The following DLGAP2 variants were observed in gnomAD, a reference collection of about 807,000 sequenced individuals.
The protein encoded by DLGAP2 is disks large-associated protein 2.
In DLGAP2, 26 loss-of-function variants were observed where a neutral mutation model predicts 100.3. The ratio of observed to expected loss-of-function variants is 0.26; its 90% CI spans 0.19 to 0.36. The LOEUF is 0.36. DLGAP2 is among the 10% of genes least tolerant of loss of function. The pLI, the probability that DLGAP2 is intolerant of heterozygous loss-of-function variation, is 1.00. For missense variants in DLGAP2, 1,858 were observed against 1,453.2 expected (o/e 1.28, Z -4.53); for synonymous variants, 886 against 630.1 (o/e 1.41, Z -6.08).
intron 2 of DLGAP2, among the ~76,000 whole-genome samples, chr8:1,156,795 C>T (rs931997907): frequency 6.6e-6 from 1 of 152,150 alleles, no homozygotes; most frequent in South Asian, 2.1e-4. Flanking sequence ...CTCCTTTTTG[C>T]TTTGTTCCCA....
At chr8:988,603 A>G (rs1017728480) in intron 2 of DLGAP2, among the ~76,000 whole-genome samples, 4 of 151,994 alleles carry the variant, frequency 2.6e-5, no homozygotes, top group Non-Finnish European at 4.4e-5. Flanking sequence ...CCTCCCTTCC[A>G]GGGTCTGATG....
chr8:1,081,952 G>T (rs1479263466), intron 2 of DLGAP2, among the ~76,000 whole-genome samples: 1 of 152,118 alleles, frequency 6.6e-6, no homozygotes, highest in African/African-American at 2.4e-5. Flanking sequence ...TGCCCCCTAA[G>T]TTCTAGATTA....
At chr8:1,447,859 C>A (rs1243232925) in intron 3 of DLGAP2, among the ~76,000 whole-genome samples, 1 of 152,190 alleles carries the variant, frequency 6.6e-6, no homozygotes, top group African/African-American at 2.4e-5. Context: ...TCTAGATTTT[C>A]TAGTTTATAT....
intron 1 of DLGAP2, among the ~76,000 whole-genome samples, chr8:802,006 G>A (rs1296633239): frequency 1.9e-4 from 28 of 145,364 alleles, no homozygotes; most frequent in Middle Eastern, 3.7e-3. Flanking sequence ...CACAGCCTGA[G>A]GAACAGTCCG....
chr8:1,052,417 A>G (rs1252213137), intron 2 of DLGAP2, among the ~76,000 whole-genome samples: 2 of 152,232 alleles, frequency 1.3e-5, no homozygotes, highest in East Asian at 3.9e-4. Context: ...GTTTTAACAC[A>G]TGGCATCACA....
chr8:1,009,491 A>G (rs1171460979), intron 2 of DLGAP2, among the ~76,000 whole-genome samples: 1 of 152,184 alleles, frequency 6.6e-6, no homozygotes, highest in Admixed American at 6.5e-5. Flanking sequence ...ATTTTCTTTG[A>G]CTGAATGATG....
At chr8:1,505,011 A>T (rs1799857064) in intron 4 of DLGAP2, among the ~76,000 whole-genome samples, 1 of 152,212 alleles carries the variant, frequency 6.6e-6, no homozygotes, top group South Asian at 2.1e-4. Context: ...AAAAGAAAGG[A>T]AGGAAGAAGG....
intron 3 of DLGAP2, among the ~76,000 whole-genome samples, chr8:1,314,723 G>T (rs1335446087): frequency 6.6e-6 from 1 of 152,210 alleles, no homozygotes; most frequent in African/African-American, 2.4e-5. Flanking sequence ...TCCTGCTCCG[G>T]AGGTCGAGGA....
intron 4 of DLGAP2, among the ~76,000 whole-genome samples, chr8:1,536,669 G>T (rs1801163304): frequency 6.6e-6 from 1 of 152,172 alleles, no homozygotes; most frequent in Admixed American, 6.5e-5. Flanking sequence ...CTGTCCTCAG[G>T]TGCAGTCAGC....
At chr8:880,242 T>A (rs1797761926) in intron 1 of DLGAP2, among the ~76,000 whole-genome samples, 1 of 152,172 alleles carries the variant, frequency 6.6e-6, no homozygotes, top group Non-Finnish European at 1.5e-5. Context: ...GACCACATCC[T>A]CCTAATCAAT....
chr8:1,344,114 T>TTCGGCGCCCTGTCGTGGGTCCGTGTAC (rs1801487310), intron 3 of DLGAP2, among the ~76,000 whole-genome samples: 1 of 36,892 alleles, frequency 2.7e-5, no homozygotes, highest in African/African-American at 5.4e-5. Context: ...GGTCCATGTA[T>TTCGGCGCCCTGTCGTGGGTCCGTGTAC]TCGGGGCCCT....
intron 1 of DLGAP2, among the ~76,000 whole-genome samples, chr8:787,243 G>A (rs965115008): frequency 2.0e-5 from 3 of 152,058 alleles, no homozygotes; most frequent in African/African-American, 4.8e-5. Context: ...GCTCGTGTTC[G>A]AACGTTAGTA....
intron 1 of DLGAP2, among the ~76,000 whole-genome samples, chr8:801,586 T>C (rs1368700875): frequency 6.6e-6 from 1 of 152,168 alleles, no homozygotes; most frequent in Non-Finnish European, 1.5e-5. Flanking sequence ...TGAGTAGCTG[T>C]GTGGCCAGTG....
intron 2 of DLGAP2, among the ~76,000 whole-genome samples, chr8:1,152,646 G>T (rs920068051): frequency 6.6e-6 from 1 of 152,150 alleles, no homozygotes; most frequent in Non-Finnish European, 1.5e-5. Flanking sequence ...GGTGCCTGCA[G>T]GGCCTCCTAG....
At chr8:1,001,415 A>T (rs1800952142) in intron 2 of DLGAP2, among the ~76,000 whole-genome samples, 1 of 152,242 alleles carries the variant, frequency 6.6e-6, no homozygotes, top group Non-Finnish European at 1.5e-5. Context: ...TGACAAACTT[A>T]AAGTAATATT....
intron 1 of DLGAP2, among the ~76,000 whole-genome samples, chr8:802,419 G>A (rs919714607): frequency 3.3e-5 from 5 of 152,216 alleles, no homozygotes; most frequent in African/African-American, 1.2e-4. Flanking sequence ...TGGGCCCCTG[G>A]GCAGCATCTC....
At chr8:1,625,937 A>G (rs7817676) in intron 6 of DLGAP2, among the ~76,000 whole-genome samples, 83,247 of 134,730 alleles carry the variant, frequency 0.62, 26,230 homozygotes, top group African/African-American at 0.76. Context: ...CTGGGTGTGG[A>G]TTGGACGGTC....
intron 4 of DLGAP2, among the ~76,000 whole-genome samples, chr8:1,505,859 TTGG>T (rs1033596634): frequency 1.8e-4 from 28 of 152,300 alleles, no homozygotes; most frequent in Admixed American, 1.1e-3. Flanking sequence ...CTGTAAAGAG[TTGG>T]TGATTTATTT....
intron 3 of DLGAP2, among the ~76,000 whole-genome samples, chr8:1,473,523 G>T (rs894452832): frequency 6.6e-6 from 1 of 152,210 alleles, no homozygotes; most frequent in Middle Eastern, 3.2e-3. Flanking sequence ...AAGGGAAAAA[G>T]CTGCATCTGT....
Sources: allele counts gnomAD v4.1 joint callset (sites outside exome capture counted in the v4.1 genomes callset), GRCh38; gene constraint gnomAD v4.1.1; transcripts MANE v1.5; gene names NCBI Gene and HGNC (gene_info 2026-07-23, HGNC 2026-07-21).